The following KLHL6 variants were observed in gnomAD, a reference collection of about 807,000 sequenced individuals.
KLHL6 encodes the protein kelch-like protein 6.
A neutral mutation model predicts 58.6 loss-of-function variants in KLHL6; 41 were observed. The ratio of observed to expected loss-of-function variants is 0.70; its 90% CI spans 0.55 to 0.91. The LOEUF (loss-of-function observed/expected upper bound fraction) is 0.91, where lower values mean the gene tolerates loss of function less well. KLHL6 is among the 40% of genes least tolerant of loss of function. The probability of loss-of-function intolerance (pLI) is 0.00; values close to 1 mark genes in which losing one functional copy is unlikely to be tolerated. For synonymous variants in KLHL6, 338 were observed against 322.7 expected (o/e 1.05, Z -0.51); for missense variants, 714 against 805.6 (o/e 0.89, Z 1.38).
intron 3 of KLHL6, among the ~76,000 whole-genome samples, chr3:183,501,437 C>A (rs1197017755): frequency 2.0e-5 from 3 of 152,170 alleles, no homozygotes; most frequent in Non-Finnish European, 4.4e-5. Flanking sequence ...AAAAAAGCAC[C>A]GGCCTCCCTG....
chr3:183,505,023 C>CA (rs907512259), intron 3 of KLHL6, among the ~76,000 whole-genome samples: 4 of 152,246 alleles, frequency 2.6e-5, no homozygotes, highest in South Asian at 2.1e-4. Context: ...CATGTTGCTG[C>CA]AAAAAACATG....
At chr3:183,524,059 C>G (rs1247734419) in intron 2 of KLHL6, among the ~76,000 whole-genome samples, 2 of 152,178 alleles carry the variant, frequency 1.3e-5, no homozygotes, top group Non-Finnish European at 2.9e-5. Context: ...CTGTGCCCGG[C>G]CTCATGAGTT....
At chr3:183,497,766 C>G (rs974597166) in intron 4 of KLHL6, among the ~76,000 whole-genome samples, 2 of 152,206 alleles carry the variant, frequency 1.3e-5, no homozygotes, top group Non-Finnish European at 2.9e-5. Flanking sequence ...CCTGCCCCGA[C>G]CCCTGCATAC....
At chr3:183,552,755 G>A (rs923458694) in intron 1 of KLHL6, among the ~76,000 whole-genome samples, 2 of 147,500 alleles carry the variant, frequency 1.4e-5, no homozygotes, top group Non-Finnish European at 3.0e-5. Context: ...AAGCCTCTCA[G>A]ACAGAGAGAC....
chr3:183,535,233 G>A (rs937506725), intron 1 of KLHL6, among the ~76,000 whole-genome samples: 13 of 152,280 alleles, frequency 8.5e-5, no homozygotes, highest in African/African-American at 2.6e-4. Context: ...GTGAGCCAAC[G>A]TGCCCAGCCT....
chr3:183,552,129 A>G (rs984008384), intron 1 of KLHL6: 3 of 152,208 alleles, frequency 2.0e-5, no homozygotes, highest in South Asian at 2.1e-4. Flanking sequence ...TTCAACCCCA[A>G]TGAAAGAGAA....
At chr3:183,533,952 G>A (rs1009530873) in intron 1 of KLHL6, among the ~76,000 whole-genome samples, 2 of 151,522 alleles carry the variant, frequency 1.3e-5, no homozygotes, top group Non-Finnish European at 2.9e-5. Flanking sequence ...AGAAATCCCC[G>A]CCCAGAGCTG....
chr3:183,494,266 T>A lies in KLHL6; in HGVS notation c.1163A>T (p.Gln388Leu). 6.2e-7 allele frequency: 1 copy of A among 1,613,658 alleles called. No homozygotes were observed. Among genetic ancestry groups the A allele is most frequent in the Non-Finnish European group, 8.5e-7 (1 of 1,179,518 alleles). Reference sequence around the variant, plus strand: ...AGAATTATATTTCCAAACATCATGCTGTGTTTCTTTGCCACCTGCAAGAGA... The same window carrying A: ...AGAATTATATTTCCAAACATCATGCAGTGTTTCTTTGCCACCTGCAAGAGA... ...EVYISGGKET[Q>L]HDVWKYNSSI... The change falls in exon 5 of 7, where the codon CAG becomes CTG. Residue 388 changes from glutamine to leucine, a missense_variant. Gln to Leu is a moderately radical substitution (Grantham distance 113). This residue lies in a region of KLHL6 where 510 missense variants were observed against 629.7 expected (regional missense o/e 0.81). Coordinates refer to ENST00000341319, the MANE Select transcript of KLHL6 (RefSeq NM_130446.4).
Position 183,499,811 on chromosome 3 carries a change from G to A in KLHL6, c.926C>T (p.Thr309Ile). Residue 309 changes from threonine to isoleucine, a missense_variant, in exon 4 of 7, where the codon ACC becomes ATC. By Grantham distance (89) the Thr-to-Ile change is moderately conservative (BLOSUM62 -1). Transcript: ENST00000341319. The surrounding 1 kb of genome is among the most constrained non-coding windows in gnomAD (Gnocchi z 4.6). ...LSGNEIISER[T>I]KPRMHEFQSE... is the part of the protein sequence containing the mutation. Reference sequence around the variant, plus strand: ...CTGGAACTCATGCATCCTGGGCTTGGTGCGTTCCGAAATGATCTGGAAATC... The same window carrying A: ...CTGGAACTCATGCATCCTGGGCTTGATGCGTTCCGAAATGATCTGGAAATC... 1.3e-6 allele frequency: 2 copies of A among 1,588,342 alleles called. No homozygotes were observed. The highest frequency in any genetic ancestry group is 1.7e-6 in the Non-Finnish European group (2 of 1,167,350).
At chr3:183,546,852 T>C (rs1218869470) in intron 1 of KLHL6, among the ~76,000 whole-genome samples, 8 of 150,982 alleles carry the variant, frequency 5.3e-5, no homozygotes, top group Non-Finnish European at 1.0e-4. Context: ...AAGCAATTCC[T>C]CCAAGATTTA....
At chr3:183,526,633 G>A (rs185418478) in intron 2 of KLHL6, among the ~76,000 whole-genome samples, 1 of 152,300 alleles carries the variant, frequency 6.6e-6, no homozygotes, top group East Asian at 1.9e-4. Context: ...TACCGGAATA[G>A]GGAAATCAAC....
chr3:183,538,351 C>T (rs1345488695), intron 1 of KLHL6, among the ~76,000 whole-genome samples: 2 of 152,114 alleles, frequency 1.3e-5, no homozygotes, highest in Non-Finnish European at 2.9e-5. Flanking sequence ...AATACCCACA[C>T]CTATCACTCC....
At chr3:183,550,836 A>G (rs930419810) in intron 1 of KLHL6, among the ~76,000 whole-genome samples, 1 of 150,016 alleles carries the variant, frequency 6.7e-6, no homozygotes, top group African/African-American at 2.5e-5. Context: ...TTTACTTCCT[A>G]TGGGCTGGGC....
At chr3:183,531,239 G>T (rs555917087) in intron 1 of KLHL6, among the ~76,000 whole-genome samples, 1 of 152,090 alleles carries the variant, frequency 6.6e-6, no homozygotes, top group East Asian at 1.9e-4. Context: ...TCAGACACCT[G>T]GGAGTCGGGG....
rs1263923444 is a variant in KLHL6 at position 183,494,294 on chromosome 3, C to T, written c.1148-13G>A. 3 of 1,601,122 alleles carry T rather than the reference C, an allele frequency of 1.9e-6. No homozygotes were observed. Among genetic ancestry groups the T allele is most frequent in the South Asian group, 1.1e-5 (1 of 90,740 alleles). On this transcript the variant is annotated splice_polypyrimidine_tract_variant and intron_variant, in intron 4 of 6. Coordinates refer to ENST00000341319, the MANE Select transcript of KLHL6 (RefSeq NM_130446.4). ...GTTTCTTTGCCACCTGCAAGAGATA[C>T]AAAGCATTTAAGAAACCATCAGATG... is the stretch of plus-strand genomic sequence containing the variant.
chr3:183,519,895 C>CAAAAAAAAAAAAAAAAAA (rs56101517), intron 2 of KLHL6, among the ~76,000 whole-genome samples: 2 of 83,290 alleles, frequency 2.4e-5, no homozygotes, highest in African/African-American at 1.1e-4. Flanking sequence ...AACCCTGTCT[C>CAAAAAAAAAAAAAAAAAA]AAAAAAAAAA....
chr3:183,543,974 G>T (rs1394542835), intron 1 of KLHL6, among the ~76,000 whole-genome samples: 1 of 152,112 alleles, frequency 6.6e-6, no homozygotes, highest in African/African-American at 2.4e-5. Flanking sequence ...GACCAGCCTG[G>T]CCAACATGGT....
rs761606107 is a variant in KLHL6 at position 183,508,177 on chromosome 3, G to A, written c.791C>T (p.Pro264Leu). The A allele has an allele frequency of 5.6e-6, 9 of 1,614,080 alleles. No individual in the cohort carries two copies. The highest frequency in any genetic ancestry group is 3.3e-5 in the Admixed American group (2 of 60,008). Reference sequence around the variant, plus strand: ...CACAAAGTACCACGGGTCCAGAAGCGGTAAGCGCACGTTCTCGAGGACATA... The same window carrying A: ...CACAAAGTACCACGGGTCCAGAAGCAGTAAGCGCACGTTCTCGAGGACATA... ...LPYVLENVRL[P>L]LLDPWYFVET... The change falls in exon 3 of 7, where the codon CCG becomes CTG. Residue 264 changes from proline (P) to leucine (L), a missense_variant. By Grantham distance (98) the Pro-to-Leu change is moderately conservative (BLOSUM62 -3). Around this residue, in one of 2 missense-constraint regions of KLHL6, gnomAD observed 510 missense variants for 629.7 expected, o/e 0.81. Transcript: ENST00000341319.
At chr3:183,554,620 C>T (rs182788766) in intron 1 of KLHL6, among the ~76,000 whole-genome samples, 26 of 152,318 alleles carry the variant, frequency 1.7e-4, no homozygotes, top group African/African-American at 3.4e-4. Context: ...AAAGAAGCCC[C>T]TAATTTGTAA....
Sources: gnomAD v4.1 joint callset for allele counts (sites outside exome capture counted in the v4.1 genomes callset) on GRCh38, gnomAD v4.1.1 for gene constraint, gnomAD v4.1.1 regional missense constraint, Gnocchi (gnomAD v3.1) non-coding constraint, MANE v1.5 for transcripts, NCBI Gene and HGNC (gene_info 2026-07-23, HGNC 2026-07-21) for gene names.